The following TENM4 variants were observed in gnomAD, a reference collection of about 807,000 sequenced individuals.
TENM4 encodes the protein teneurin-4.
In TENM4, 82 loss-of-function variants were observed where a neutral mutation model predicts 243.3. The ratio of observed to expected loss-of-function variants is 0.34; its 90% CI spans 0.28 to 0.40. TENM4 has a LOEUF of 0.40. TENM4 is among the 10% of genes least tolerant of loss of function. TENM4 has a pLI of 1.00. For missense variants in TENM4, 3,138 were observed against 3,673.3 expected (o/e 0.85, Z 3.77); for synonymous variants, 1,412 against 1,456.3 (o/e 0.97, Z 0.69).
chr11:79,215,346 C>T (rs1031150769), intron 3 of TENM4, among the ~76,000 whole-genome samples: 16 of 152,208 alleles, frequency 1.1e-4, no homozygotes, highest in Non-Finnish European at 2.1e-4. Flanking sequence ...CTTCCACTCA[C>T]CTCCCCGTAT....
chr11:78,825,335 C>T lies in TENM4; in HGVS notation c.1682-10940G>A, dbSNP rs915609531. Among the ~76,000 whole-genome samples the T allele has an allele frequency of 3.3e-5, 5 of 152,298 alleles. No homozygotes were observed. The South Asian group carries it at 1.0e-3, about 32-fold the overall frequency. ...AACCACCATATATATGCACCTGGTACATAAAAGATACTCAGGAAATATTAG... is the reference window on the plus strand; with the variant it reads ...AACCACCATATATATGCACCTGGTATATAAAAGATACTCAGGAAATATTAG... On this transcript the variant is annotated intron_variant, in intron 12 of 33. Transcript: ENST00000278550.
chr11:79,185,659 G>A (rs1278946208), intron 3 of TENM4, among the ~76,000 whole-genome samples: 2 of 152,276 alleles, frequency 1.3e-5, no homozygotes, highest in Admixed American at 6.5e-5. Flanking sequence ...CCACATGAAA[G>A]CTGAAAAATC....
chr11:79,270,242 G>A (rs2135343770), intron 2 of TENM4, among the ~76,000 whole-genome samples: 1 of 152,308 alleles, frequency 6.6e-6, no homozygotes, highest in South Asian at 2.1e-4. Context: ...CAATGAGGGT[G>A]TAACTGGCAC....
chr11:78,930,106 T>C (rs1856636575), intron 6 of TENM4, among the ~76,000 whole-genome samples: 1 of 152,200 alleles, frequency 6.6e-6, no homozygotes, highest in Admixed American at 6.5e-5. Flanking sequence ...CAGACTATAG[T>C]TAATGTCCTG....
rs140350860 is a variant in TENM4, at chr11:79,371,379, G to A, written c.-321+69130C>T. ...AGAGTTGGGCTTGCTTCTGGTCACC[G>A]GCTGGGAATGTTGTGGGCTTGGTTC... is the stretch of plus-strand genomic sequence containing the variant. On this transcript the variant is annotated intron_variant, in intron 1 of 33. Transcript: ENST00000278550. 3.0e-3 allele frequency among the ~76,000 whole-genome samples: 458 copies of A among 152,262 alleles called. 2 individuals are homozygous for A. The highest frequency in any genetic ancestry group is 0.01 in the African/African-American group (431 of 41,552).
At chr11:78,918,361 T>C (rs1156685666) in intron 6 of TENM4, among the ~76,000 whole-genome samples, 2 of 152,002 alleles carry the variant, frequency 1.3e-5, no homozygotes, top group African/African-American at 2.4e-5. Context: ...GTACATTCTG[T>C]GGGTGCCACC....
At chr11:79,336,608 C>T (rs1857152193) in intron 1 of TENM4, among the ~76,000 whole-genome samples, 2 of 152,180 alleles carry the variant, frequency 1.3e-5, no homozygotes, top group South Asian at 4.1e-4. Context: ...GGGCAAATTA[C>T]TTAATCTCTC....
chr11:79,221,146 G>C (rs925444914), intron 2 of TENM4: 4 of 152,244 alleles, frequency 2.6e-5, no homozygotes, highest in Non-Finnish European at 5.9e-5. Flanking sequence ...GGCAGCGGGG[G>C]AAGAAACGAA....
chr11:78,996,051 A>T (rs1858165792), intron 6 of TENM4, among the ~76,000 whole-genome samples: 1 of 152,190 alleles, frequency 6.6e-6, no homozygotes, highest in Non-Finnish European at 1.5e-5. Flanking sequence ...AGCCGCAAGG[A>T]GGACTGTTTC....
intron 3 of TENM4, among the ~76,000 whole-genome samples, chr11:79,203,510 T>C (rs1255489823): frequency 6.6e-6 from 1 of 152,236 alleles, no homozygotes; most frequent in Non-Finnish European, 1.5e-5. Context: ...CTGTATATAC[T>C]ATGCTTTTTT....
intron 32 of TENM4, among the ~76,000 whole-genome samples, chr11:78,667,792 C>T (rs192514615): frequency 7.4e-4 from 112 of 152,274 alleles, no homozygotes; most frequent in African/African-American, 2.4e-3. Flanking sequence ...TTGAATCGCA[C>T]GACAAAAGAG....
intron 3 of TENM4, among the ~76,000 whole-genome samples, chr11:79,187,886 A>G (rs922224106): frequency 6.6e-6 from 1 of 152,228 alleles, no homozygotes; most frequent in Non-Finnish European, 1.5e-5. Flanking sequence ...TTGGACTTCC[A>G]GCCTCCAGAA....
Position 79,243,555 on chromosome 11 carries a change from G to C in TENM4, c.-264-27646C>G, listed in dbSNP as rs946183590. Among the ~76,000 whole-genome samples, 3 of 152,264 alleles carry C rather than the reference G, an allele frequency of 2.0e-5. No homozygotes were observed. The South Asian group carries it at 6.2e-4, about 32-fold the overall frequency. Reference sequence around the variant, plus strand: ...AACGCTGCAGGGGATATTGAATCATGAGAATCAAACAGAAACACAAGAGGA... The same window carrying C: ...AACGCTGCAGGGGATATTGAATCATCAGAATCAAACAGAAACACAAGAGGA... On this transcript the variant is annotated intron_variant, in intron 2 of 33. Transcript: ENST00000278550.
chr11:79,237,826 G>T (rs563957727), intron 2 of TENM4, among the ~76,000 whole-genome samples: 1 of 152,048 alleles, frequency 6.6e-6, no homozygotes, highest in Non-Finnish European at 1.5e-5. Flanking sequence ...TTTCCTGCTT[G>T]GCTAGCTCTC....
At chr11:78,784,298 T>C (rs536181111) in intron 16 of TENM4, among the ~76,000 whole-genome samples, 76 of 152,310 alleles carry the variant, frequency 5.0e-4, no homozygotes, top group African/African-American at 1.8e-3. Context: ...AAAAATGGAT[T>C]TCCCCTTCTC....
intron 1 of TENM4, among the ~76,000 whole-genome samples, chr11:79,433,770 C>T (rs1188155671): frequency 5.3e-5 from 8 of 152,166 alleles, no homozygotes; most frequent in Non-Finnish European, 4.4e-5. Flanking sequence ...GAAAGAAAAG[C>T]TCTGATTTGA....
intron 4 of TENM4, among the ~76,000 whole-genome samples, chr11:79,084,058 C>T (rs192442790): frequency 2.3e-4 from 35 of 152,148 alleles, no homozygotes; most frequent in African/African-American, 4.8e-4. Context: ...GGCCAGAAGA[C>T]GTGATCCAAT....
chr11:79,355,630 C>G (rs572215703), intron 1 of TENM4, among the ~76,000 whole-genome samples: 1 of 152,354 alleles, frequency 6.6e-6, no homozygotes, highest in Non-Finnish European at 1.5e-5. Context: ...ATTATACAAA[C>G]TGTTCACTGG....
intron 6 of TENM4, among the ~76,000 whole-genome samples, chr11:79,027,471 G>A (rs1439095439): frequency 6.6e-6 from 1 of 152,226 alleles, no homozygotes; most frequent in Admixed American, 6.5e-5. Flanking sequence ...AGCGATGTAG[G>A]TTAGGTGGCC....
Sources: gnomAD v4.1 joint callset for allele counts (sites outside exome capture counted in the v4.1 genomes callset) on GRCh38, gnomAD v4.1.1 for gene constraint, MANE v1.5 for transcripts, NCBI Gene and HGNC (gene_info 2026-07-23, HGNC 2026-07-21) for gene names.